The following ASIC2 variants were observed in gnomAD, a reference collection of about 807,000 sequenced individuals.
The protein encoded by ASIC2 is acid-sensing ion channel 2.
In ASIC2, 25 loss-of-function variants were observed where a neutral mutation model predicts 57.3. That is an observed-to-expected ratio of 0.44 (90% CI 0.32 to 0.61). The LOEUF is 0.61. ASIC2 is among the 20% of genes least tolerant of loss of function. ASIC2 has a pLI of 0.06. For synonymous variants in ASIC2, 319 were observed against 307.5 expected (o/e 1.04, Z -0.39); for missense variants, 641 against 738.1 (o/e 0.87, Z 1.52).
intron 1 of ASIC2, among the ~76,000 whole-genome samples, chr17:33,166,504 T>C (rs982128532): frequency 3.9e-5 from 6 of 152,164 alleles, no homozygotes; most frequent in Non-Finnish European, 7.3e-5. Flanking sequence ...AAATGTTTGG[T>C]CCCACCTTGT....
chr17:33,768,415 G>T (rs2142118152), intron 1 of ASIC2, among the ~76,000 whole-genome samples: 1 of 152,262 alleles, frequency 6.6e-6, no homozygotes, highest in African/African-American at 2.4e-5. Flanking sequence ...GATGCTTAAA[G>T]AGAGAATTTA....
chr17:33,932,741 A>AAAAAAAAATATATATATAT (rs1555572867), intron 1 of ASIC2: 7 of 58,704 alleles, frequency 1.2e-4, no homozygotes, highest in East Asian at 8.4e-4. Context: ...AAAAAAAAAA[A>AAAAAAAAATATATATATAT]ATATATATAT....
chr17:33,044,378 T>C (rs1483435742), intron 3 of ASIC2, among the ~76,000 whole-genome samples: 2 of 152,130 alleles, frequency 1.3e-5, no homozygotes, highest in Non-Finnish European at 2.9e-5. Flanking sequence ...TTTTTTATTT[T>C]TTTATTTTTT....
chr17:33,342,693 C>T (rs1305452575), intron 1 of ASIC2, among the ~76,000 whole-genome samples: 1 of 152,112 alleles, frequency 6.6e-6, no homozygotes, highest in Non-Finnish European at 1.5e-5. Context: ...ATATGGAGGT[C>T]ACCTTCCTTG....
intron 1 of ASIC2, among the ~76,000 whole-genome samples, chr17:33,915,449 G>A (rs1915563115): frequency 6.6e-6 from 1 of 152,120 alleles, no homozygotes; most frequent in Non-Finnish European, 1.5e-5. Context: ...CACCTTCAAT[G>A]TCTTCCTACT....
intron 1 of ASIC2, among the ~76,000 whole-genome samples, chr17:33,220,483 A>C (rs1050401447): frequency 1.1e-4 from 16 of 152,196 alleles, no homozygotes; most frequent in African/African-American, 2.4e-4. Flanking sequence ...AAAGGACAGG[A>C]GACTCGAGGC....
At chr17:33,043,886 T>C (rs1411995847) in intron 3 of ASIC2, among the ~76,000 whole-genome samples, 1 of 152,164 alleles carries the variant, frequency 6.6e-6, no homozygotes, top group African/African-American at 2.4e-5. Flanking sequence ...GGAAGCGAAG[T>C]TGCAGTAGTA....
intron 1 of ASIC2, among the ~76,000 whole-genome samples, chr17:33,573,890 G>A (rs943527487): frequency 7.9e-5 from 12 of 152,152 alleles, no homozygotes; most frequent in African/African-American, 1.7e-4. Context: ...CTTTATCTAA[G>A]CAAAAGTACT....
At chr17:33,079,549 T>G (rs9907190) in intron 3 of ASIC2, among the ~76,000 whole-genome samples, 2,053 of 152,072 alleles carry the variant, frequency 0.014, 48 homozygotes, top group African/African-American at 0.046. Flanking sequence ...CTGTGGTTCA[T>G]GAGGGAGGGA....
At chr17:33,657,314 C>A (rs548963825) in intron 1 of ASIC2, among the ~76,000 whole-genome samples, 6 of 152,256 alleles carry the variant, frequency 3.9e-5, no homozygotes, top group Admixed American at 3.9e-4. Context: ...GGCTGGCTGG[C>A]AAGCAAACTT....
chr17:34,096,592 TG>T (rs1380566623), intron 1 of ASIC2, among the ~76,000 whole-genome samples: 1 of 152,024 alleles, frequency 6.6e-6, no homozygotes, highest in Non-Finnish European at 1.5e-5. Context: ...CCGGGCATGG[TG>T]GCTGTAATGC....
intron 1 of ASIC2, among the ~76,000 whole-genome samples, chr17:34,032,916 G>T (rs1907681915): frequency 6.6e-6 from 1 of 152,132 alleles, no homozygotes; most frequent in South Asian, 2.1e-4. Flanking sequence ...ATAATAATGG[G>T]AGACTTTAAC....
chr17:33,673,824 G>C (rs1328972168), intron 1 of ASIC2, among the ~76,000 whole-genome samples: 1 of 152,008 alleles, frequency 6.6e-6, no homozygotes, highest in Non-Finnish European at 1.5e-5. Flanking sequence ...GCTTTGTAAA[G>C]ATGTGGGCAA....
At chr17:33,649,175 C>T (rs1045130979) in intron 1 of ASIC2, among the ~76,000 whole-genome samples, 7 of 152,188 alleles carry the variant, frequency 4.6e-5, no homozygotes, top group African/African-American at 1.7e-4. Context: ...GAATCCACAA[C>T]AAAACCGTCT....
Position 33,520,102 on chromosome 17 carries a change from C to G in ASIC2, c.556-408035G>C, listed in dbSNP as rs973496815. On this transcript the variant is annotated intron_variant, in intron 1 of 9. Coordinates refer to the ASIC2 transcript ENST00000359872. The stretch of plus-strand genomic sequence containing the variant: ...TTATGAGCAGAGGGTATCTTTGCAA[C>G]GAGAATTCTGGCTTATTGTGGCCCC... Among the ~76,000 whole-genome samples, 8 of 152,296 alleles carry G rather than the reference C, an allele frequency of 5.3e-5. No individual in the cohort carries two copies. The Middle Eastern group carries it at 0.01, about 194-fold the overall frequency.
In ASIC2 at chr17:34,039,327, A is replaced by G. The variant is rs1033549028; in HGVS notation, c.555+116651T>C. 1.2e-4 allele frequency: 200 copies of G among 1,613,728 alleles called. 1 individual carries two copies. Among genetic ancestry groups the G allele is most frequent in the Admixed American group, 5.3e-4 (32 of 59,986 alleles). On this transcript the variant is annotated intron_variant, in intron 1 of 9. Transcript: ENST00000359872. Reference sequence around the variant, plus strand: ...TGTTGCCAGATCCCGTAGATGAGGGACTGTTTTGCTGAGCTGAAACAAAAG... The same window carrying G: ...TGTTGCCAGATCCCGTAGATGAGGGGCTGTTTTGCTGAGCTGAAACAAAAG...
intron 1 of ASIC2, among the ~76,000 whole-genome samples, chr17:33,740,415 G>T (rs546267425): frequency 1.1e-4 from 17 of 152,300 alleles, no homozygotes; most frequent in South Asian, 4.1e-4. Flanking sequence ...ATGGCAGCAG[G>T]AAGAAAAAGT....
chr17:33,476,477 G>C (rs556428971), intron 1 of ASIC2, among the ~76,000 whole-genome samples: 4 of 148,306 alleles, frequency 2.7e-5, no homozygotes, highest in African/African-American at 1.0e-4. Flanking sequence ...AACTCATATA[G>C]AAAACCTTTT....
intron 1 of ASIC2, among the ~76,000 whole-genome samples, chr17:33,178,782 G>T: frequency 6.6e-6 from 1 of 152,192 alleles, no homozygotes; most frequent in East Asian, 1.9e-4. Flanking sequence ...TGCAGGCAGG[G>T]GAAGCTCTGT....
Sources: allele counts gnomAD v4.1 joint callset (sites outside exome capture counted in the v4.1 genomes callset), GRCh38; gene constraint gnomAD v4.1.1; transcripts MANE v1.5; gene names NCBI Gene and HGNC (gene_info 2026-07-23, HGNC 2026-07-21).